SYT16: variants seen among roughly 807,000 people sequenced by gnomAD.
SYT16 encodes synaptotagmin 16.
A neutral mutation model predicts 61.4 loss-of-function variants in SYT16; 42 were observed. That is an observed-to-expected ratio of 0.68 (90% CI 0.53 to 0.89). The LOEUF is 0.89. SYT16 is among the 40% of genes least tolerant of loss of function. The probability of loss-of-function intolerance (pLI) is 0.00; values close to 1 mark genes in which losing one functional copy is unlikely to be tolerated. For missense variants in SYT16, 804 were observed against 807.3 expected, an observed-to-expected ratio of 1.00 and a Z score of 0.05; for synonymous variants, 314 against 302.3, an observed-to-expected ratio of 1.04 and a Z score of -0.40.
intron 1 of SYT16, among the ~76,000 whole-genome samples, chr14:61,877,662 G>C (rs140992345): frequency 0.01 from 1,528 of 152,244 alleles, 39 homozygotes; most frequent in African/African-American, 0.035. Context: ...GAGTTCCTGG[G>C]TGTCCTCATT....
At position 62,112,549 on chromosome 14, in the gene SYT16, T is replaced by A. The variant is rs1479870558; in HGVS notation, c.*11842T>A. ...CAATAAAGTTTTAGCAGATGGCTTATATGTACATGTGTGAAAATTTTTTAT... is the reference window on the plus strand; with the variant it reads ...CAATAAAGTTTTAGCAGATGGCTTAAATGTACATGTGTGAAAATTTTTTAT... On this transcript the variant is annotated 3_prime_UTR_variant, in exon 8 of 8. Transcript: ENST00000683842. 1 of 152,176 alleles carries A rather than the reference T, an allele frequency of 6.6e-6. No individual in the cohort carries two copies. Among genetic ancestry groups the A allele is most frequent in the Non-Finnish European group, 1.5e-5 (1 of 68,006 alleles). 9.4% of individuals were successfully genotyped at this position (152,176 alleles called of 1,614,324 possible). A position where few individuals can be genotyped will look rare whatever the true frequency, so the allele number is the denominator to read the frequency against.
chr14:61,959,976 C>T (rs530527933), intron 1 of SYT16, among the ~76,000 whole-genome samples: 67 of 152,094 alleles, frequency 4.4e-4, no homozygotes, highest in Non-Finnish European at 5.9e-4. Flanking sequence ...ACTGAGACTA[C>T]ATGTCTATGC....
intron 1 of SYT16, among the ~76,000 whole-genome samples, chr14:61,839,022 G>A (rs1197586258): frequency 6.8e-6 from 1 of 146,630 alleles, no homozygotes; most frequent in African/African-American, 2.5e-5. Context: ...CTTGCAAAAT[G>A]AAGATGACCT....
At chr14:61,926,797 C>A (rs896976755) in intron 1 of SYT16, among the ~76,000 whole-genome samples, 1 of 152,146 alleles carries the variant, frequency 6.6e-6, no homozygotes, top group Non-Finnish European at 1.5e-5. Context: ...CCTCACCCCC[C>A]ACCCTGCCAG....
At chr14:62,033,548 GAAGA>G (rs1179303117) in intron 3 of SYT16, among the ~76,000 whole-genome samples, 1 of 152,154 alleles carries the variant, frequency 6.6e-6, no homozygotes, top group Non-Finnish European at 1.5e-5. Context: ...GAGCCAATGT[GAAGA>G]AAGAGAGTAT....
intron 7 of SYT16, among the ~76,000 whole-genome samples, chr14:62,088,059 CT>C (rs577561701): frequency 1.3e-5 from 2 of 151,828 alleles, no homozygotes; most frequent in Non-Finnish European, 2.9e-5. Flanking sequence ...GGCGTAGAAG[CT>C]TTTTTTTATA....
intron 1 of SYT16, among the ~76,000 whole-genome samples, chr14:61,902,061 C>A (rs2048542313): frequency 6.6e-6 from 1 of 152,172 alleles, no homozygotes; most frequent in Admixed American, 6.5e-5. Flanking sequence ...CCGTTCCAGA[C>A]CTGCTTATAA....
intron 6 of SYT16, 36 bp downstream of exon 6, chr14:62,081,310 G>A (rs1424211709): frequency 1.9e-6 from 3 of 1,580,064 alleles, no homozygotes; most frequent in South Asian, 1.2e-5. Context: ...ATGATGTGGT[G>A]TGTTCGAAGA....
rs565190545 is a variant in SYT16 at position 62,104,701 on chromosome 14, A to G, written c.*3994A>G. On this transcript the variant is annotated 3_prime_UTR_variant, in exon 8 of 8. Coordinates refer to ENST00000683842, the MANE Select transcript of SYT16 (RefSeq NM_001367656.1). ...TAAGACAATGAGATTGGCATAGCAC[A>G]GTGAAGTTGGCACAAACTGTGATCC... The G allele has an allele frequency of 6.6e-6, 1 of 152,368 alleles. No individual in the cohort carries two copies. The highest frequency in any genetic ancestry group is 2.1e-4 in the South Asian group (1 of 4,824). The allele number at this position is 152,368 out of a possible 1,614,324, so 9.4% of individuals were successfully genotyped here.
In SYT16 at chr14:62,105,592, T is replaced by C. The variant is rs2141032559; in HGVS notation, c.*4885T>C. ...ATTCAGTTGATACTACTTTTTAAAA[T>C]GGGTTTTAAGAGTGGCTTGTTGATA... On this transcript the variant is annotated 3_prime_UTR_variant, in exon 8 of 8. Transcript: ENST00000683842. 6.6e-6 allele frequency: 1 copy of C among 152,350 alleles called. No individual in the cohort carries two copies. The highest frequency in any genetic ancestry group is 1.9e-4 in the East Asian group (1 of 5,186). The allele number at this position is 152,350 out of a possible 1,614,324, so 9.4% of individuals were successfully genotyped here. A position where few individuals can be genotyped will look rare whatever the true frequency, so the allele number is the denominator to read the frequency against.
At chr14:61,890,920 GAATA>G (rs1262515117) in intron 1 of SYT16, among the ~76,000 whole-genome samples, 1 of 152,076 alleles carries the variant, frequency 6.6e-6, no homozygotes, top group Non-Finnish European at 1.5e-5. Flanking sequence ...TATTTAGCTT[GAATA>G]AATATGAAAT....
intron 1 of SYT16, among the ~76,000 whole-genome samples, chr14:61,942,005 T>C (rs1461895345): frequency 6.6e-6 from 1 of 152,250 alleles, no homozygotes; most frequent in African/African-American, 2.4e-5. Context: ...TTTATGAATA[T>C]GAAAGATGTT....
At chr14:61,961,826 T>C (rs896403215) in intron 1 of SYT16, among the ~76,000 whole-genome samples, 6 of 152,158 alleles carry the variant, frequency 3.9e-5, no homozygotes, top group African/African-American at 1.2e-4. Context: ...CATATGTTCA[T>C]TGCAGCACCA....
intron 1 of SYT16, among the ~76,000 whole-genome samples, chr14:61,955,219 A>G (rs897897364): frequency 6.6e-6 from 1 of 152,128 alleles, no homozygotes; most frequent in Admixed American, 6.6e-5. Context: ...CATCATCACT[A>G]TCAATGGTAT....
intron 2 of SYT16, among the ~76,000 whole-genome samples, chr14:61,972,012 C>T (rs1414164416): frequency 3.3e-5 from 5 of 152,188 alleles, no homozygotes; most frequent in Admixed American, 6.5e-5. Context: ...GGCTGTCACT[C>T]GTTATGTGAC....
chr14:62,069,556 G>T, intron 3 of SYT16, 47 bp from the exon 4 acceptor site: 1 of 1,558,384 alleles, frequency 6.4e-7, no homozygotes, highest in South Asian at 1.1e-5. Flanking sequence ...CTCTGTATTC[G>T]AGCATATAGG....
intron 1 of SYT16, among the ~76,000 whole-genome samples, chr14:61,957,906 T>C (rs1203091151): frequency 6.6e-6 from 1 of 151,930 alleles, no homozygotes; most frequent in Non-Finnish European, 1.5e-5. Context: ...TAGAATAAAC[T>C]TATGAAGCCA....
intron 3 of SYT16, among the ~76,000 whole-genome samples, chr14:62,060,337 TA>T (rs919002926): frequency 3.3e-5 from 5 of 152,060 alleles, no homozygotes; most frequent in African/African-American, 4.8e-5. Flanking sequence ...ATGGAATTTT[TA>T]AAAAATTTCA....
At chr14:61,945,578 A>G (rs1254842) in intron 1 of SYT16, among the ~76,000 whole-genome samples, 136,108 of 152,164 alleles carry the variant, frequency 0.89, 60,936 homozygotes, top group East Asian at 0.99. Context: ...AGTTGGGGCC[A>G]GGCGCGGTGG....
Sources: allele counts gnomAD v4.1 joint callset (sites outside exome capture counted in the v4.1 genomes callset), GRCh38; gene constraint gnomAD v4.1.1; transcripts MANE v1.5; gene names NCBI Gene and HGNC (gene_info 2026-07-23, HGNC 2026-07-21).